RAMP1: variants seen among roughly 807,000 people sequenced by gnomAD.
The protein encoded by RAMP1 is receptor activity-modifying protein 1.
A neutral mutation model predicts 8.2 loss-of-function variants in RAMP1; 7 were observed. The ratio of observed to expected loss-of-function variants is 0.85; its 90% CI spans 0.49 to 1.60. RAMP1 has a LOEUF of 1.60. Ranked by LOEUF, RAMP1 falls within the 40% of genes most tolerant of loss-of-function variation. RAMP1 has a pLI of 0.00. For missense variants in RAMP1, 192 were observed against 202.4 expected (o/e 0.95, Z 0.31); for synonymous variants, 92 against 84.7 (o/e 1.09, Z -0.47).
At chr2:237,895,989 AGG>A (rs757418267) in intron 2 of RAMP1, among the ~76,000 whole-genome samples, 15 of 152,154 alleles carry the variant, frequency 9.9e-5, no homozygotes, top group Non-Finnish European at 1.9e-4. Context: ...GTGTCCCCAC[AGG>A]GGTGCCAGGA....
intron 2 of RAMP1, among the ~76,000 whole-genome samples, chr2:237,894,108 T>C (rs2062514001): frequency 6.6e-6 from 1 of 150,500 alleles, no homozygotes; most frequent in Admixed American, 6.7e-5. Context: ...AAGCTGGGAC[T>C]ACAGGTGCAT....
At chr2:237,886,514 G>A (rs1187413693) in intron 2 of RAMP1, among the ~76,000 whole-genome samples, 1 of 152,184 alleles carries the variant, frequency 6.6e-6, no homozygotes, top group Non-Finnish European at 1.5e-5. Flanking sequence ...AAATGCATCT[G>A]TGAGGACCCA....
At position 237,862,499 on chromosome 2, in the gene RAMP1, C is replaced by A. The variant is rs2062142133; in HGVS notation, c.52+2772C>A. On this transcript the variant is annotated intron_variant, in intron 1 of 2. Transcript: ENST00000254661. The surrounding 1 kb of genome is among the most constrained non-coding windows in gnomAD (Gnocchi z 4.0). ...CTCCGGGAAATGTTTTAGGTGGAATCTTTAGTTAAGGCTAGTTGGAAAAGT... is the reference window on the plus strand; with the variant it reads ...CTCCGGGAAATGTTTTAGGTGGAATATTTAGTTAAGGCTAGTTGGAAAAGT... 6.6e-6 allele frequency among the ~76,000 whole-genome samples: 1 copy of A among 152,200 alleles called. No homozygotes were observed. Among genetic ancestry groups the A allele is most frequent in the South Asian group, 2.1e-4 (1 of 4,832 alleles).
chr2:237,890,956 T>C (rs1247490770), intron 2 of RAMP1, among the ~76,000 whole-genome samples: 1 of 152,222 alleles, frequency 6.6e-6, no homozygotes, highest in African/African-American at 2.4e-5. Flanking sequence ...CTTTAACTTT[T>C]ACCACTCACT....
intron 2 of RAMP1, among the ~76,000 whole-genome samples, chr2:237,893,176 C>G (rs1378191397): frequency 1.3e-5 from 2 of 152,210 alleles, no homozygotes; most frequent in Non-Finnish European, 2.9e-5. Context: ...CAACCTTGTT[C>G]TGTGAAGTTC....
intron 2 of RAMP1, among the ~76,000 whole-genome samples, chr2:237,903,840 A>G (rs931213047): frequency 2.6e-5 from 4 of 152,052 alleles, no homozygotes; most frequent in African/African-American, 9.7e-5. Context: ...GACTACAGGC[A>G]CCCGCCACCA....
intron 1 of RAMP1, among the ~76,000 whole-genome samples, chr2:237,875,182 G>A (rs1356461722): frequency 3.3e-5 from 5 of 152,114 alleles, no homozygotes; most frequent in Non-Finnish European, 5.9e-5. Context: ...TCTTGATGGG[G>A]CAGGTGTCAG....
At chr2:237,893,442 T>C (rs911905978) in intron 2 of RAMP1, among the ~76,000 whole-genome samples, 1 of 152,204 alleles carries the variant, frequency 6.6e-6, no homozygotes, top group Admixed American at 6.5e-5. Context: ...CATTCCCCGA[T>C]AGCTGAGGTT....
intron 1 of RAMP1, among the ~76,000 whole-genome samples, chr2:237,861,836 A>G (rs2062135343): frequency 6.8e-6 from 1 of 147,256 alleles, no homozygotes; most frequent in African/African-American, 2.6e-5. Context: ...GGGTGATAAG[A>G]GTGAAACTCC....
chr2:237,902,467 AG>A (rs1470469765), intron 2 of RAMP1, among the ~76,000 whole-genome samples: 2 of 140,516 alleles, frequency 1.4e-5, no homozygotes, highest in Admixed American at 7.3e-5. Flanking sequence ...GTCTCCGCAG[AG>A]GGGGTGGGGG....
At chr2:237,885,660 C>T (rs774590908) in intron 2 of RAMP1, among the ~76,000 whole-genome samples, 12 of 152,310 alleles carry the variant, frequency 7.9e-5, no homozygotes, top group Non-Finnish European at 1.0e-4. Flanking sequence ...TTGCCCAGGC[C>T]GAGGCCGCCC....
intron 2 of RAMP1, among the ~76,000 whole-genome samples, chr2:237,899,835 T>C (rs2062580354): frequency 6.6e-6 from 1 of 152,172 alleles, no homozygotes; most frequent in Non-Finnish European, 1.5e-5. Flanking sequence ...CCCAGCACTT[T>C]GGAAGGCCGA....
chr2:237,897,771 G>T (rs1274740693), intron 2 of RAMP1, among the ~76,000 whole-genome samples: 3 of 72,266 alleles, frequency 4.2e-5, no homozygotes, highest in Non-Finnish European at 6.3e-5. Context: ...GTTTGTTTTG[G>T]TTTTTTGGGG....
At chr2:237,875,181 G>T (rs994063764) in intron 1 of RAMP1, among the ~76,000 whole-genome samples, 1 of 152,098 alleles carries the variant, frequency 6.6e-6, no homozygotes, top group Non-Finnish European at 1.5e-5. Flanking sequence ...ATCTTGATGG[G>T]GCAGGTGTCA....
Position 237,877,499 on chromosome 2 carries a change from C to T in RAMP1, c.191+137C>T, listed in dbSNP as rs565977270. On this transcript the variant is annotated intron_variant, in intron 2 of 2. Coordinates refer to ENST00000254661, the MANE Select transcript of RAMP1 (RefSeq NM_005855.4). The surrounding 1 kb of genome is among the most constrained non-coding windows in gnomAD (Gnocchi z 4.4). ...GGGTTCTTCCCCCAGTGGGGGGGGCCGGGATGAAGACAGAGGAGGGAGCCA... is the reference window on the plus strand; with the variant it reads ...GGGTTCTTCCCCCAGTGGGGGGGGCTGGGATGAAGACAGAGGAGGGAGCCA... The T allele has an allele frequency of 2.9e-5, 35 of 1,205,420 alleles. No homozygotes were observed. The highest frequency in any genetic ancestry group is 7.6e-5 in the African/African-American group (5 of 65,386). The allele number at this position is 1,205,420 out of a possible 1,614,324, so 74.7% of individuals were successfully genotyped here. A position where few individuals can be genotyped will look rare whatever the true frequency, so the allele number is the denominator to read the frequency against.
intron 2 of RAMP1, among the ~76,000 whole-genome samples, chr2:237,888,617 T>C (rs1409942763): frequency 1.3e-5 from 2 of 152,216 alleles, no homozygotes; most frequent in Non-Finnish European, 2.9e-5. Context: ...ACCATGACCT[T>C]TCCTATTTGT....
chr2:237,905,695 TG>T (rs1396214903), intron 2 of RAMP1, among the ~76,000 whole-genome samples: 1 of 152,068 alleles, frequency 6.6e-6, no homozygotes, highest in African/African-American at 2.4e-5. Flanking sequence ...GTCTGAGATA[TG>T]GGAGAGGATC....
rs571702902 is a variant in RAMP1, at chr2:237,906,678, C to T, written c.192-4850C>T. On this transcript the variant is annotated intron_variant, in intron 2 of 2. Transcript: ENST00000254661. The stretch of plus-strand genomic sequence containing the variant: ...CACAGGTCTGCTGGCAATGAATTCT[C>T]TCAGCTGCTTTTTTCTCAAAAGGTT... 1.1e-4 allele frequency among the ~76,000 whole-genome samples: 16 copies of T among 146,734 alleles called. No individual in the cohort carries two copies. The South Asian group carries it at 3.0e-3, about 27-fold the overall frequency.
In RAMP1 at chr2:237,859,655, G is replaced by T; in HGVS notation, c.-21G>T. On this transcript the variant is annotated 5_prime_UTR_variant, in exon 1 of 3. Coordinates refer to ENST00000254661, the MANE Select transcript of RAMP1 (RefSeq NM_005855.4). ...AGCGGGGCGCGTGGCGAGCGGACTCGACTCGGCACCGCTGTGCACCATGGC... is the reference window on the plus strand; with the variant it reads ...AGCGGGGCGCGTGGCGAGCGGACTCTACTCGGCACCGCTGTGCACCATGGC... 4 of 1,454,516 alleles carry T rather than the reference G, an allele frequency of 2.8e-6. No individual in the cohort carries two copies. Among genetic ancestry groups the T allele is most frequent in the South Asian group, 2.7e-5 (2 of 73,166 alleles). The allele number at this position is 1,454,516 out of a possible 1,614,324, so 90.1% of individuals were successfully genotyped here.
Sources: gnomAD v4.1 joint callset for allele counts (sites outside exome capture counted in the v4.1 genomes callset) on GRCh38, gnomAD v4.1.1 for gene constraint, Gnocchi (gnomAD v3.1) non-coding constraint, MANE v1.5 for transcripts, NCBI Gene and HGNC (gene_info 2026-07-23, HGNC 2026-07-21) for gene names.